NOX4: variants seen among roughly 807,000 people sequenced by gnomAD.
NOX4 encodes the protein kidney oxidase-1.
A neutral mutation model predicts 87.6 loss-of-function variants in NOX4; 69 were observed. That is an observed-to-expected ratio of 0.79 (90% CI 0.65 to 0.96). The LOEUF (loss-of-function observed/expected upper bound fraction) is 0.96. Ranked by LOEUF, NOX4 falls within the 40% of genes least tolerant of loss-of-function variation. The pLI is 0.00. For missense variants in NOX4, 680 were observed against 681.5 expected (o/e 1.00, Z 0.02); for synonymous variants, 275 against 238.2 (o/e 1.15, Z -1.42).
intron 11 of NOX4, among the ~76,000 whole-genome samples, chr11:89,388,292 C>T (rs1940862083): frequency 1.3e-5 from 2 of 152,142 alleles, no homozygotes; most frequent in Admixed American, 6.6e-5. Context: ...ACCATTCTTC[C>T]AGCTTCTGAA....
At chr11:89,435,227 A>G (rs148413503) in intron 6 of NOX4, among the ~76,000 whole-genome samples, 144 of 152,232 alleles carry the variant, frequency 9.5e-4, no homozygotes, top group African/African-American at 2.6e-3. Flanking sequence ...GAATAACTAA[A>G]TGATAGAATC....
intron 7 of NOX4, among the ~76,000 whole-genome samples, chr11:89,428,413 C>A (rs544678482): frequency 1.1e-4 from 16 of 152,260 alleles, no homozygotes; most frequent in Non-Finnish European, 1.9e-4. Context: ...AATTAAAATG[C>A]ACAGACTGGC....
chr11:89,382,967 C>G (rs1940406718), intron 11 of NOX4, among the ~76,000 whole-genome samples: 2 of 152,032 alleles, frequency 1.3e-5, no homozygotes, highest in East Asian at 1.9e-4. Flanking sequence ...CCTTTACCGC[C>G]CTAGACCCAG....
intron 1 of NOX4, 68 bp downstream of exon 1, chr11:89,491,122 C>CTCA (rs1946834026): frequency 1.4e-6 from 2 of 1,477,918 alleles, no homozygotes; most frequent in Non-Finnish European, 1.9e-6. Flanking sequence ...CCCGTGCACG[C>CTCA]TCAGAGAATG....
chr11:89,355,181 C>T (rs1183039189), intron 12 of NOX4, 138 bp from the exon 13 acceptor site: 1 of 588,080 alleles, frequency 1.7e-6, no homozygotes, highest in Non-Finnish European at 3.0e-6. Context: ...AATTTACCCA[C>T]CATTTTATGT....
intron 7 of NOX4, among the ~76,000 whole-genome samples, chr11:89,429,164 G>GA (rs1220194684): frequency 1.3e-5 from 2 of 152,048 alleles, no homozygotes; most frequent in African/African-American, 4.8e-5. Flanking sequence ...AAAACAATGA[G>GA]AAAAAAGACA....
At chr11:89,451,184 G>A (rs556364318) in intron 3 of NOX4, among the ~76,000 whole-genome samples, 9 of 152,022 alleles carry the variant, frequency 5.9e-5, no homozygotes, top group African/African-American at 2.2e-4. Flanking sequence ...TGCATGTTGT[G>A]CACATGTACC....
At chr11:89,396,590 T>C (rs550129199) in intron 11 of NOX4, among the ~76,000 whole-genome samples, 1 of 151,912 alleles carries the variant, frequency 6.6e-6, no homozygotes, top group Non-Finnish European at 1.5e-5. Flanking sequence ...CGTGCAGAGA[T>C]GCACATAGGC....
the NOX4 span, chr11:89,576,938 TA>T: frequency 6.6e-6 from 1 of 152,148 alleles, no homozygotes; most frequent in South Asian, 2.1e-4. Flanking sequence ...TTGGTAAATT[TA>T]AAAGTTAGAG....
intron 8 of NOX4, among the ~76,000 whole-genome samples, chr11:89,419,233 T>G (rs1280391077): frequency 6.6e-6 from 1 of 152,044 alleles, no homozygotes; most frequent in Non-Finnish European, 1.5e-5. Flanking sequence ...TGTTCAGACC[T>G]AAAGCATACT....
At chr11:89,450,800 A>G (rs1944923747) in intron 3 of NOX4, among the ~76,000 whole-genome samples, 1 of 150,460 alleles carries the variant, frequency 6.6e-6, no homozygotes, top group Non-Finnish European at 1.5e-5. Flanking sequence ...CACAATAGTA[A>G]AGACTTGGAA....
At chr11:89,554,765 A>G in the NOX4 span, among the ~76,000 whole-genome samples, 1 of 152,166 alleles carries the variant, frequency 6.6e-6, no homozygotes, top group African/African-American at 2.4e-5. Context: ...AGGCTTTTAC[A>G]GATTACATTT....
Position 89,454,256 on chromosome 11 carries a change from A to T in NOX4, c.154-2361T>A, listed in dbSNP as rs116979675. On this transcript the variant is annotated intron_variant, in intron 2 of 17. Transcript: ENST00000263317. The stretch of plus-strand genomic sequence containing the variant: ...GTAAATATTTCTAAAATGTTTTAAT[A>T]TTACCCTACATTTTTATTTTAATTA... Among the ~76,000 whole-genome samples, 489 of 152,210 alleles carry T rather than the reference A, an allele frequency of 3.2e-3. 1 individual carries two copies. Among genetic ancestry groups the T allele is most frequent in the Non-Finnish European group, 5.1e-3 (347 of 67,978 alleles).
the NOX4 span, among the ~76,000 whole-genome samples, chr11:89,518,327 A>G: frequency 6.6e-6 from 1 of 152,006 alleles, no homozygotes; most frequent in African/African-American, 2.4e-5. Context: ...AAAAATGACC[A>G]CAGGAATTCA....
chr11:89,517,269 A>G, the NOX4 span, among the ~76,000 whole-genome samples: 1 of 152,046 alleles, frequency 6.6e-6, no homozygotes, highest in Non-Finnish European at 1.5e-5. Flanking sequence ...AGTAATGTAA[A>G]ATGTCCTGCT....
the NOX4 span, among the ~76,000 whole-genome samples, chr11:89,579,102 C>A: frequency 2.2e-3 from 341 of 152,218 alleles, no homozygotes; most frequent in Middle Eastern, 6.8e-3. Context: ...CTGGGAAAGA[C>A]CAAACAATGG....
At chr11:89,361,684 C>T (rs1938537607) in intron 12 of NOX4, among the ~76,000 whole-genome samples, 1 of 152,090 alleles carries the variant, frequency 6.6e-6, no homozygotes, top group Admixed American at 6.6e-5. Flanking sequence ...GGGAGTGGGG[C>T]CACATGTCTT....
the NOX4 span, among the ~76,000 whole-genome samples, chr11:89,580,720 G>A: frequency 1.9e-4 from 29 of 152,236 alleles, no homozygotes; most frequent in African/African-American, 6.5e-4. Context: ...TAGGCTCTGG[G>A]TTAGGTATTG....
intron 2 of NOX4, among the ~76,000 whole-genome samples, chr11:89,475,651 T>A (rs1478242454): frequency 6.6e-6 from 1 of 152,012 alleles, no homozygotes; most frequent in Admixed American, 6.6e-5. Flanking sequence ...TAGGATGAGA[T>A]GGAACGGGAT....
Sources: allele counts gnomAD v4.1 joint callset (sites outside exome capture counted in the v4.1 genomes callset), GRCh38; gene constraint gnomAD v4.1.1; transcripts MANE v1.5; gene names NCBI Gene and HGNC (gene_info 2026-07-23, HGNC 2026-07-21).